The following KDM2A variants were observed in gnomAD, a reference collection of about 807,000 sequenced individuals.
KDM2A encodes lysine demethylase 2A, also known as lysine-specific demethylase 2A.
KDM2A carries 3 observed loss-of-function variants against 137.3 expected under a neutral mutation model. The ratio of observed to expected loss-of-function variants is 0.02; its 90% CI spans 0.01 to 0.06. KDM2A has a LOEUF of 0.06. Ranked by LOEUF, KDM2A falls within the 10% of genes least tolerant of loss-of-function variation. The pLI is 1.00. For synonymous variants in KDM2A, 512 were observed against 541.5 expected (o/e 0.95, Z 0.76); for missense variants, 738 against 1,510.6 (o/e 0.49, Z 8.48).
chr11:67,174,690 T>C (rs1856942817), intron 2 of KDM2A, among the ~76,000 whole-genome samples: 1 of 152,208 alleles, frequency 6.6e-6, no homozygotes, highest in Non-Finnish European at 1.5e-5. Flanking sequence ...AAACTGGGAA[T>C]GGTGAATATT....
intron 10 of KDM2A, among the ~76,000 whole-genome samples, chr11:67,222,059 C>CTTTTTTTTTTTTTTTTTTTTATTTT (rs1858373565): frequency 1.8e-5 from 2 of 110,530 alleles, no homozygotes; most frequent in African/African-American, 6.7e-5. Context: ...CTCTGTCATT[C>CTTTTTTTTTTTTTTTTTTTTATTTT]TTTTTTTTTT....
intron 12 of KDM2A, 112 bp downstream of exon 12, chr11:67,232,072 A>G: frequency 1.0e-6 from 1 of 998,000 alleles, no homozygotes; most frequent in Non-Finnish European, 1.5e-6. Flanking sequence ...TCAGTCAGAG[A>G]GAAGTTAATA....
Position 67,215,910 on chromosome 11 carries a change from T to C in KDM2A, c.648T>C (p.Gly216=), listed in dbSNP as rs1296548171. Residue 216 remains glycine (G), a synonymous_variant, in exon 8 of 21, where the codon GGT becomes GGC. Coordinates refer to ENST00000529006, the MANE Select transcript of KDM2A (RefSeq NM_012308.3). ...GCYTDFHVDF[G]GTSVWYHIHQ... Reference sequence around the variant, plus strand: ...ATACTGACTTCCATGTGGACTTTGGTGGTACCTCTGTTTGGTATCACATCC... The same window carrying C: ...ATACTGACTTCCATGTGGACTTTGGCGGTACCTCTGTTTGGTATCACATCC... 18 of 1,613,774 alleles carry C rather than the reference T, an allele frequency of 1.1e-5. No individual in the cohort carries two copies. Among genetic ancestry groups the C allele is most frequent in the Non-Finnish European group, 1.4e-5 (16 of 1,179,864 alleles).
At chr11:67,205,024 T>TCTA (rs1447444087) in intron 5 of KDM2A, among the ~76,000 whole-genome samples, 9 of 152,198 alleles carry the variant, frequency 5.9e-5, no homozygotes, top group African/African-American at 2.2e-4. Flanking sequence ...TGCCTAGAAG[T>TCTA]GGAATTGCTG....
At chr11:67,191,670 A>G (rs1361298681) in intron 5 of KDM2A, among the ~76,000 whole-genome samples, 2 of 152,216 alleles carry the variant, frequency 1.3e-5, no homozygotes, top group African/African-American at 4.8e-5. Flanking sequence ...TTAACAAACT[A>G]GAAATAAAAG....
At chr11:67,184,057 C>G (rs1036933304) in intron 5 of KDM2A, among the ~76,000 whole-genome samples, 2 of 144,218 alleles carry the variant, frequency 1.4e-5, no homozygotes. Flanking sequence ...GTGATCACAC[C>G]ACTGCACTCC....
At chr11:67,130,912 T>G (rs1238010831) in intron 2 of KDM2A, among the ~76,000 whole-genome samples, 2 of 151,606 alleles carry the variant, frequency 1.3e-5, no homozygotes, top group Non-Finnish European at 2.9e-5. Flanking sequence ...GGAGGGGCCA[T>G]GACTTGCCCA....
chr11:67,144,368 T>TC (rs1856195475), intron 2 of KDM2A, among the ~76,000 whole-genome samples: 1 of 151,268 alleles, frequency 6.6e-6, no homozygotes, highest in Non-Finnish European at 1.5e-5. Flanking sequence ...TTCTCCTGCC[T>TC]CAGCCTCTCA....
intron 2 of KDM2A, among the ~76,000 whole-genome samples, chr11:67,171,876 C>T (rs1470212228): frequency 1.3e-5 from 2 of 152,250 alleles, no homozygotes; most frequent in Non-Finnish European, 2.9e-5. Flanking sequence ...CCTGCATTCT[C>T]CTTTCTGTTC....
At chr11:67,198,090 A>G (rs972092714) in intron 5 of KDM2A, among the ~76,000 whole-genome samples, 1 of 152,186 alleles carries the variant, frequency 6.6e-6, no homozygotes, top group African/African-American at 2.4e-5. Flanking sequence ...TAGGCTAAGG[A>G]GGAAGAGGTG....
chr11:67,240,440 A>C lies in KDM2A; in HGVS notation c.1480-2569A>C, dbSNP rs947145142. On this transcript the variant is annotated intron_variant, in intron 12 of 20. Coordinates refer to ENST00000529006, the MANE Select transcript of KDM2A (RefSeq NM_012308.3). ...AACTATAGGGACTTTTGTCTCAGTG[A>C]AGAGGCAGGAGAAACTGCCTGCCGG... 9.6e-6 allele frequency: 13 copies of C among 1,350,474 alleles called. No homozygotes were observed. In the African/African-American group the frequency reaches 1.8e-4, roughly 18 times the overall value. 83.7% of individuals were successfully genotyped at this position (1,350,474 alleles called of 1,614,324 possible).
intron 5 of KDM2A, chr11:67,196,275 A>G (rs563756157): frequency 2.2e-6 from 1 of 456,094 alleles, no homozygotes; most frequent in African/African-American, 2.0e-5. Flanking sequence ...CCAGTTCTTC[A>G]TGTCAGCCAG....
chr11:67,222,030 G>A lies in KDM2A; in HGVS notation c.957+2627G>A, dbSNP rs73501802. 9.4e-3 allele frequency among the ~76,000 whole-genome samples: 1,325 copies of A among 140,856 alleles called. 20 individuals are homozygous for A. The highest frequency in any genetic ancestry group is 0.032 in the African/African-American group (1,227 of 38,522). 92.4% of individuals were successfully genotyped at this position (140,856 alleles called of 152,430 possible). A position where few individuals can be genotyped will look rare whatever the true frequency, so the allele number is the denominator to read the frequency against. On this transcript the variant is annotated intron_variant, in intron 10 of 20. Transcript: ENST00000529006. ...AAGAAAAAAAATGTATAATTCCATA[G>A]TAAAATACTCCTGTTTAACTCTGTC...
At chr11:67,178,334 G>C (rs771344024) in intron 2 of KDM2A, among the ~76,000 whole-genome samples, 2 of 152,194 alleles carry the variant, frequency 1.3e-5, no homozygotes, top group Non-Finnish European at 2.9e-5. Flanking sequence ...GAGCCTAGGA[G>C]GTTGAGGTTG....
intron 2 of KDM2A, among the ~76,000 whole-genome samples, chr11:67,152,160 C>T (rs1396567055): frequency 1.3e-5 from 2 of 151,702 alleles, no homozygotes; most frequent in South Asian, 2.1e-4. Context: ...ATTAAAAATA[C>T]CAAAAAGCCA....
intron 2 of KDM2A, among the ~76,000 whole-genome samples, chr11:67,168,119 A>G (rs1413126701): frequency 6.6e-6 from 1 of 152,140 alleles, no homozygotes; most frequent in East Asian, 1.9e-4. Flanking sequence ...TTTAGAAGAA[A>G]GTTTTATATA....
At chr11:67,143,513 A>C (rs1295044914) in intron 2 of KDM2A, 1 of 152,156 alleles carries the variant, frequency 6.6e-6, no homozygotes, top group Non-Finnish European at 1.5e-5. Flanking sequence ...TCAAGATTTG[A>C]AATTGCCACC....
intron 11 of KDM2A, among the ~76,000 whole-genome samples, chr11:67,231,207 C>G (rs938348842): frequency 9.2e-5 from 14 of 152,096 alleles, no homozygotes; most frequent in Non-Finnish European, 2.1e-4. Context: ...AGTGTCTTCT[C>G]TTTTAAAAGG....
At chr11:67,160,822 A>C (rs1856617905) in intron 2 of KDM2A, among the ~76,000 whole-genome samples, 1 of 152,100 alleles carries the variant, frequency 6.6e-6, no homozygotes, top group Non-Finnish European at 1.5e-5. Context: ...TAATAACAAG[A>C]GCTAGCGGGG....
Sources: allele counts gnomAD v4.1 joint callset (sites outside exome capture counted in the v4.1 genomes callset), GRCh38; gene constraint gnomAD v4.1.1; transcripts MANE v1.5; gene names NCBI Gene and HGNC (gene_info 2026-07-23, HGNC 2026-07-21).